The following OR51B5 variants were observed in gnomAD, a reference collection of about 807,000 sequenced individuals.
OR51B5 encodes olfactory receptor family 51 subfamily B member 5, also known as olfactory receptor 51B5.
For synonymous variants in OR51B5, 186 were observed against 144.8 expected (o/e 1.28, Z -2.04); for missense variants, 456 against 374.6 (o/e 1.22, Z -1.79).
chr11:5,412,121 A>G (rs10838058), intron 1 of OR51B5, among the ~76,000 whole-genome samples: 58,345 of 152,070 alleles, frequency 0.38, 12,825 homozygotes, highest in Non-Finnish European at 0.5. Flanking sequence ...CTCCTCCTCA[A>G]ATTCAAGCTT....
At chr11:5,357,892 C>T (rs1849219688) in intron 1 of OR51B5, among the ~76,000 whole-genome samples, 1 of 152,026 alleles carries the variant, frequency 6.6e-6, no homozygotes, top group South Asian at 2.1e-4. Context: ...TGAATGACTA[C>T]TGGGTTCATA....
At chr11:5,449,249 A>G (rs994528116) in intron 1 of OR51B5, 1 of 152,258 alleles carries the variant, frequency 6.6e-6, no homozygotes, top group South Asian at 2.1e-4. Context: ...CAAAGTCAGC[A>G]TCACTGCCCT....
intron 1 of OR51B5, among the ~76,000 whole-genome samples, chr11:5,487,748 T>C (rs546188881): frequency 6.6e-6 from 1 of 152,344 alleles, no homozygotes; most frequent in South Asian, 2.1e-4. Context: ...CTTGCCATTC[T>C]GATCTGACCT....
intron 1 of OR51B5, among the ~76,000 whole-genome samples, chr11:5,465,895 T>G (rs1434944544): frequency 6.6e-6 from 1 of 151,360 alleles, no homozygotes; most frequent in East Asian, 1.9e-4. Context: ...GACACAGGCA[T>G]GGGCAAGGAC....
rs561876125 is a variant in OR51B5, at chr11:5,488,795, T to C, written n.84+16774A>G. ...GGGCTGGAGGCTGCCCACTTCTGGA[T>C]TGCCATCCCTTTCTGTGCCATGTAT... On this transcript the variant is annotated intron_variant and non_coding_transcript_variant, in intron 1 of 4. Coordinates refer to the OR51B5 transcript ENST00000415970. 349 of 1,614,082 alleles carry C rather than the reference T, an allele frequency of 2.2e-4. No homozygotes were observed. In the South Asian group the frequency reaches 3.5e-3, roughly 16 times the overall value.
At chr11:5,502,423 T>TC (rs1846307172) in intron 1 of OR51B5, among the ~76,000 whole-genome samples, 1 of 152,210 alleles carries the variant, frequency 6.6e-6, no homozygotes, top group African/African-American at 2.4e-5. Context: ...GAGACATTTT[T>TC]CCCCTAGCTC....
intron 1 of OR51B5, among the ~76,000 whole-genome samples, chr11:5,433,852 A>G (rs1850562549): frequency 6.6e-6 from 1 of 151,998 alleles, no homozygotes; most frequent in Non-Finnish European, 1.5e-5. Flanking sequence ...AAAAAAAAGA[A>G]CTATGACTAT....
At chr11:5,458,746 G>C (rs1319903755) in intron 1 of OR51B5, among the ~76,000 whole-genome samples, 1 of 152,076 alleles carries the variant, frequency 6.6e-6, no homozygotes, top group Non-Finnish European at 1.5e-5. Flanking sequence ...TTCTTGATGT[G>C]GCTCTCAACT....
At chr11:5,387,847 T>G (rs988582566) in intron 1 of OR51B5, among the ~76,000 whole-genome samples, 1 of 152,190 alleles carries the variant, frequency 6.6e-6, no homozygotes, top group Non-Finnish European at 1.5e-5. Context: ...CACTCTTACC[T>G]TCCTCCTTTG....
chr11:5,420,365 C>T (rs1850314566), intron 1 of OR51B5, among the ~76,000 whole-genome samples: 1 of 151,986 alleles, frequency 6.6e-6, no homozygotes, highest in Non-Finnish European at 1.5e-5. Context: ...ATTTAACTTT[C>T]CATTATTGCA....
intron 1 of OR51B5, chr11:5,390,467 T>C: frequency 8.5e-7 from 1 of 1,178,506 alleles, no homozygotes; most frequent in Non-Finnish European, 1.2e-6. Context: ...TAGCATGCTC[T>C]TAAAGATTTT....
At chr11:5,422,268 A>G (rs771412478) in intron 1 of OR51B5, 2 of 1,614,102 alleles carry the variant, frequency 1.2e-6, no homozygotes, top group South Asian at 2.2e-5. Flanking sequence ...CCTGGATTTG[A>G]GGCCTCCCAC....
At chr11:5,347,292 A>G (rs1391586494), upstream of OR51B5, among the ~76,000 whole-genome samples, 8 of 152,164 alleles carry the variant, frequency 5.3e-5, no homozygotes, top group East Asian at 9.6e-4. Context: ...AATTTCTACT[A>G]TATTTCCTGC....
At chr11:5,359,113 T>C (rs543732141) in intron 1 of OR51B5, among the ~76,000 whole-genome samples, 43 of 152,156 alleles carry the variant, frequency 2.8e-4, no homozygotes, top group Non-Finnish European at 4.4e-4. Context: ...TCACTACTCC[T>C]ATTCAACATA....
At chr11:5,501,914 C>T (rs1217524918) in intron 1 of OR51B5, among the ~76,000 whole-genome samples, 2 of 121,512 alleles carry the variant, frequency 1.6e-5, no homozygotes, top group African/African-American at 5.1e-5. Context: ...TATCCCTCCC[C>T]CAGCGCCCCC....
chr11:5,493,172 C>A (rs574859627), intron 1 of OR51B5, among the ~76,000 whole-genome samples: 12 of 152,274 alleles, frequency 7.9e-5, no homozygotes, highest in Admixed American at 1.3e-4. Flanking sequence ...GCCAAGGCCT[C>A]GAGTCCTTGT....
intron 1 of OR51B5, chr11:5,489,877 A>C (rs1046438626): frequency 7.0e-5 from 37 of 524,876 alleles, no homozygotes; most frequent in African/African-American, 6.7e-4. Flanking sequence ...TACCCCAGAA[A>C]GGTGATAATA....
At chr11:5,394,751 T>C (rs1849842498) in intron 1 of OR51B5, among the ~76,000 whole-genome samples, 1 of 152,214 alleles carries the variant, frequency 6.6e-6, no homozygotes, top group Non-Finnish European at 1.5e-5. Context: ...GGGAAGCCTG[T>C]TTTTGCTTCA....
At chr11:5,387,582 C>T (rs1476314822) in intron 1 of OR51B5, among the ~76,000 whole-genome samples, 2 of 152,170 alleles carry the variant, frequency 1.3e-5, no homozygotes, top group African/African-American at 4.8e-5. Context: ...TCATACATGA[C>T]GTAGCATTTA....
Sources: gnomAD v4.1 joint callset for allele counts (sites outside exome capture counted in the v4.1 genomes callset) on GRCh38, gnomAD v4.1.1 for gene constraint, MANE v1.5 for transcripts, NCBI Gene and HGNC (gene_info 2026-07-23, HGNC 2026-07-21) for gene names.